The following ZNF343 variants were observed in gnomAD, a reference collection of about 807,000 sequenced individuals.
ZNF343 encodes the protein zinc finger protein 343.
Under a neutral mutation model 13.8 loss-of-function variants are expected in ZNF343, and 11 were observed. The ratio of observed to expected loss-of-function variants is 0.80; its 90% confidence interval spans 0.50 to 1.32. The LOEUF is 1.32. Among genes scored for constraint, ZNF343 ranks in the 40% most tolerant of loss-of-function variants. The pLI is 0.00. For missense variants in ZNF343, 658 were observed against 714.2 expected, an observed-to-expected ratio of 0.92 and a Z score of 0.90; for synonymous variants, 248 against 260.0, an observed-to-expected ratio of 0.95 and a Z score of 0.44.
At chr20:2,494,379 A>G (rs1369230060) in intron 2 of ZNF343, among the ~76,000 whole-genome samples, 2 of 152,074 alleles carry the variant, frequency 1.3e-5, no homozygotes, top group African/African-American at 2.4e-5. Flanking sequence ...GCCTGTGGAG[A>G]AAGAGCCTCT....
intron 1 of ZNF343, among the ~76,000 whole-genome samples, chr20:2,520,175 T>G (rs927394012): frequency 1.3e-5 from 2 of 152,246 alleles, no homozygotes; most frequent in Non-Finnish European, 2.9e-5. Flanking sequence ...CTGCTTAGAT[T>G]CACCTTAATT....
rs536955753 is a variant in ZNF343, at chr20:2,484,370, G to A, written c.591C>T (p.Leu197=). 1 of 1,614,192 alleles carries A rather than the reference G, an allele frequency of 6.2e-7. No homozygotes were observed. The highest frequency in any genetic ancestry group is 8.5e-7 in the Non-Finnish European group (1 of 1,180,040). Residue 197 remains leucine, a synonymous_variant, in exon 6 of 6, where the codon CTC becomes CTT. Transcript: ENST00000278772. ...RETSRAFPSP[L]QRQSASPRKG... ...TTCTAGGACTTGCTGACTGTCTTTG[G>A]AGTGGGCTGGGGAATGCCCTTGAGG...
intron 1 of ZNF343, among the ~76,000 whole-genome samples, chr20:2,521,622 T>G (rs1168065946): frequency 1.3e-5 from 2 of 152,156 alleles, no homozygotes; most frequent in African/African-American, 2.4e-5. Flanking sequence ...GCAGTCAGAA[T>G]TGGGGCTCAG....
At chr20:2,490,291 TG>T (rs2085345809) in intron 5 of ZNF343, among the ~76,000 whole-genome samples, 1 of 151,994 alleles carries the variant, frequency 6.6e-6, no homozygotes, top group South Asian at 2.1e-4. Context: ...AAAAGGAGTA[TG>T]TGACACTGAC....
In ZNF343 at chr20:2,494,430, C is replaced by T. The variant is rs549261285; in HGVS notation, c.-149-386G>A. Among the ~76,000 whole-genome samples, 9 of 152,204 alleles carry T rather than the reference C, an allele frequency of 5.9e-5. No individual in the cohort carries two copies. In the East Asian group the frequency reaches 1.7e-3, roughly 29 times the overall value. ...ACCAACTGGGGCGTGCAGAACTCAGCTTCTGATTCCCCTGCCCCAACCCAA... is the reference window on the plus strand; with the variant it reads ...ACCAACTGGGGCGTGCAGAACTCAGTTTCTGATTCCCCTGCCCCAACCCAA... On this transcript the variant is annotated intron_variant, in intron 2 of 5. Transcript: ENST00000278772.
rs893061286 is a variant in ZNF343 at position 2,481,915 on chromosome 20, A to T, written c.*1246T>A. ...AACAGTTACTGCCATCTTCGCTCAC[A>T]TACAGAGTACATGGGGGAGTCAAGA... On this transcript the variant is annotated 3_prime_UTR_variant, in exon 6 of 6. Coordinates refer to ENST00000278772, the MANE Select transcript of ZNF343 (RefSeq NM_024325.6). 1 of 152,234 alleles carries T rather than the reference A, an allele frequency of 6.6e-6. No homozygotes were observed. Among genetic ancestry groups the T allele is most frequent in the Admixed American group, 6.5e-5 (1 of 15,288 alleles). The allele number at this position is 152,234 out of a possible 1,614,324, so 9.4% of individuals were successfully genotyped here.
At chr20:2,515,466 A>T (rs958857798) in intron 1 of ZNF343, among the ~76,000 whole-genome samples, 4 of 152,244 alleles carry the variant, frequency 2.6e-5, no homozygotes, top group African/African-American at 9.6e-5. Context: ...TTCTCCAAAG[A>T]ATCTTAAAAA....
intron 5 of ZNF343, among the ~76,000 whole-genome samples, chr20:2,489,384 C>T (rs1226115398): frequency 1.3e-5 from 2 of 152,174 alleles, no homozygotes; most frequent in African/African-American, 4.8e-5. Context: ...CTGTATTTTG[C>T]TCATAATATC....
chr20:2,502,924 C>T (rs1488658720), intron 1 of ZNF343, among the ~76,000 whole-genome samples: 1 of 152,136 alleles, frequency 6.6e-6, no homozygotes, highest in Non-Finnish European at 1.5e-5. Context: ...AAATAACCAG[C>T]TAACATCATA....
chr20:2,507,825 C>T (rs1396474160), intron 1 of ZNF343, among the ~76,000 whole-genome samples: 2 of 152,060 alleles, frequency 1.3e-5, no homozygotes, highest in African/African-American at 2.4e-5. Context: ...TTTGTCCCTA[C>T]GAAAAAATTA....
intron 2 of ZNF343, among the ~76,000 whole-genome samples, chr20:2,497,301 G>T (rs2085475909): frequency 6.6e-6 from 1 of 152,160 alleles, no homozygotes; most frequent in African/African-American, 2.4e-5. Context: ...GAGTGGAGGA[G>T]ATCACCAAGG....
rs1450450657 is a variant in ZNF343 at position 2,518,999 on chromosome 20, TC to T, written c.-347+5455del. Among the ~76,000 whole-genome samples the T allele has an allele frequency of 2.6e-5, 4 of 152,160 alleles. No individual in the cohort carries two copies. The highest frequency in any genetic ancestry group is 9.7e-5 in the African/African-American group (4 of 41,420). ...GCCATCGTGTAAGACATGCCTTGCT[TC>T]CCCTTCACCTTCCACCATGATTGTA... On this transcript the variant is annotated intron_variant, in intron 1 of 6. Transcript: ENST00000358413. This position sits in a 1 kb window ranked among gnomAD's most constrained non-coding sequence, Gnocchi z 4.6.
chr20:2,482,920 T>C lies in ZNF343; in HGVS notation c.*241A>G. 1.9e-6 allele frequency: 1 copy of C among 535,610 alleles called. No individual in the cohort carries two copies. 33.2% of individuals were successfully genotyped at this position (535,610 alleles called of 1,614,324 possible). A position where few individuals can be genotyped will look rare whatever the true frequency, so the allele number is the denominator to read the frequency against. On this transcript the variant is annotated 3_prime_UTR_variant, in exon 6 of 6. Transcript: ENST00000278772. ...CCTACACATAAACTTCTCTCCTAAG[T>C]GTGTCCTTTTGTGCATGCTCAAGGC...
chr20:2,494,746 A>G (rs922316767), intron 2 of ZNF343, among the ~76,000 whole-genome samples: 4 of 150,224 alleles, frequency 2.7e-5, no homozygotes, highest in Non-Finnish European at 4.4e-5. Flanking sequence ...TCTAGCCTGG[A>G]CGGCAGGAGT....
At position 2,508,354 on chromosome 20, in the gene ZNF343, G is replaced by A. The variant is rs910796587; in HGVS notation, c.-237+527C>T. Among the ~76,000 whole-genome samples, 1 of 151,576 alleles carries A rather than the reference G, an allele frequency of 6.6e-6. No homozygotes were observed. Among genetic ancestry groups the A allele is most frequent in the Non-Finnish European group, 1.5e-5 (1 of 67,962 alleles). On this transcript the variant is annotated intron_variant, in intron 1 of 5. Transcript: ENST00000278772. The surrounding 1 kb of genome is among the most constrained non-coding windows in gnomAD (Gnocchi z 4.5). Reference sequence around the variant, plus strand: ...AGACGGCCTCCCCCTAACCACCCCGGTCACCACTCGGGACATATCCAGCCC... The same window carrying A: ...AGACGGCCTCCCCCTAACCACCCCGATCACCACTCGGGACATATCCAGCCC...
At chr20:2,485,993 A>G (rs979366261) in intron 5 of ZNF343, among the ~76,000 whole-genome samples, 3 of 152,222 alleles carry the variant, frequency 2.0e-5, no homozygotes, top group African/African-American at 7.2e-5. Flanking sequence ...CTGACCCGTC[A>G]TCTCTTATAA....
At chr20:2,488,427 C>T (rs1430866244) in intron 5 of ZNF343, among the ~76,000 whole-genome samples, 1 of 151,876 alleles carries the variant, frequency 6.6e-6, no homozygotes, top group East Asian at 1.9e-4. Context: ...TACCAAAGTT[C>T]CATAAGTACT....
intron 2 of ZNF343, among the ~76,000 whole-genome samples, chr20:2,496,129 C>T (rs751260287): frequency 3.9e-5 from 6 of 152,066 alleles, no homozygotes; most frequent in African/African-American, 9.7e-5. Flanking sequence ...AGATATCAGA[C>T]GGAGATAAGT....
At chr20:2,492,921 A>G in intron 4 of ZNF343, 96 bp from the exon 5 acceptor site, 2 of 1,536,398 alleles carry the variant, frequency 1.3e-6, no homozygotes, top group Non-Finnish European at 1.8e-6. Context: ...TGGATATGCA[A>G]GTTGATGTAA....
Sources: gnomAD v4.1 joint callset for allele counts (sites outside exome capture counted in the v4.1 genomes callset) on GRCh38, gnomAD v4.1.1 for gene constraint, Gnocchi (gnomAD v3.1) non-coding constraint, MANE v1.5 for transcripts, NCBI Gene and HGNC (gene_info 2026-07-23, HGNC 2026-07-21) for gene names.